ABCA13: variants seen among roughly 807,000 people sequenced by gnomAD.
ABCA13 encodes ATP binding cassette subfamily A member 13, also known as ATP-binding cassette sub-family A member 13.
In ABCA13, 476 loss-of-function variants were observed where a neutral mutation model predicts 478.7. That is an observed-to-expected ratio of 0.99 (90% confidence interval 0.92 to 1.07). ABCA13 has a LOEUF of 1.07. Among genes scored for constraint, ABCA13 ranks in the 50% least tolerant of loss-of-function variants. The pLI is 0.00. For missense variants in ABCA13, 6,060 were observed against 5,910.6 expected (o/e 1.03, Z -0.83); for synonymous variants, 2,252 against 2,158.9 (o/e 1.04, Z -1.20).
chr7:48,522,389 T>C (rs1198406120), intron 53 of ABCA13, among the ~76,000 whole-genome samples: 1 of 152,124 alleles, frequency 6.6e-6, no homozygotes, highest in Non-Finnish European at 1.5e-5. Context: ...AGGTTTCCAT[T>C]AGGACCTGAG....
chr7:48,435,165 CTT>C (rs1554512128), intron 42 of ABCA13, among the ~76,000 whole-genome samples: 1 of 151,600 alleles, frequency 6.6e-6, no homozygotes, highest in Non-Finnish European at 1.5e-5. Context: ...CTGTTTGTGT[CTT>C]TTTCATTTTC....
intron 23 of ABCA13, among the ~76,000 whole-genome samples, chr7:48,299,647 G>A (rs977662512): frequency 3.3e-5 from 5 of 150,450 alleles, no homozygotes; most frequent in Admixed American, 6.7e-5. Flanking sequence ...ACCTGGGAAT[G>A]TTTTAAGACC....
At chr7:48,518,126 A>G (rs960986218) in intron 52 of ABCA13, among the ~76,000 whole-genome samples, 4 of 152,194 alleles carry the variant, frequency 2.6e-5, no homozygotes, top group Admixed American at 2.0e-4. Flanking sequence ...ACTGATTTAT[A>G]TTAATATGTC....
At chr7:48,481,317 T>C (rs960019249) in intron 46 of ABCA13, among the ~76,000 whole-genome samples, 163 bp downstream of exon 46, 16 of 152,378 alleles carry the variant, frequency 1.1e-4, no homozygotes, top group African/African-American at 3.8e-4. Flanking sequence ...TCCATGTTTT[T>C]ACATTGAAAG....
chr7:48,425,132 C>T (rs1294136031), intron 41 of ABCA13, among the ~76,000 whole-genome samples: 1 of 152,148 alleles, frequency 6.6e-6, no homozygotes, highest in Non-Finnish European at 1.5e-5. Context: ...AAACTCTGTC[C>T]TTATTCTGTT....
At chr7:48,616,064 T>A (rs1792540237) in intron 59 of ABCA13, among the ~76,000 whole-genome samples, 1 of 127,994 alleles carries the variant, frequency 7.8e-6, no homozygotes, top group South Asian at 2.5e-4. Context: ...CTTTGATTTG[T>A]TTAACCTGTC....
At position 48,514,930 on chromosome 7, in the gene ABCA13, T is replaced by C. The variant is rs536644922; in HGVS notation, c.13641-1795T>C. ...CATTTTGAGGCAGATTGCTATTGAG[T>C]AGAGTGTCTAAAACACTATATGATT... is the stretch of plus-strand genomic sequence containing the variant. On this transcript the variant is annotated intron_variant, in intron 51 of 61. Transcript: ENST00000435803. Among the ~76,000 whole-genome samples, 5 of 147,366 alleles carry C rather than the reference T, an allele frequency of 3.4e-5. No individual in the cohort carries two copies. The South Asian group carries it at 8.3e-4, about 24-fold the overall frequency.
intron 55 of ABCA13, among the ~76,000 whole-genome samples, chr7:48,550,095 T>G (rs1250696639): frequency 6.6e-6 from 1 of 151,894 alleles, no homozygotes; most frequent in East Asian, 1.9e-4. Flanking sequence ...TTTTGAATTT[T>G]GTTGCCATTG....
At chr7:48,558,250 T>C (rs1786071758) in intron 55 of ABCA13, among the ~76,000 whole-genome samples, 1 of 148,750 alleles carries the variant, frequency 6.7e-6, no homozygotes, top group Non-Finnish European at 1.5e-5. Context: ...TTTTTTCTTT[T>C]TCTTTTTTTT....
At position 48,427,809 on chromosome 7, in the gene ABCA13, T is replaced by C; in HGVS notation, c.12503T>C (p.Ile4168Thr). ...CAAGATTCCAACAAGAAATCTCACA[T>C]TGCCCTGGGGACTGAGTCAGAGCTG... is the stretch of plus-strand genomic sequence containing the variant. ...LLQDSNKKSH[I>T]ALGTESELQN... The change falls in exon 42 of 62, where the codon ATT becomes ACT. Residue 4168 changes from isoleucine to threonine, a missense_variant. Physicochemically the swap from Ile to Thr is moderately conservative, Grantham distance 89. Transcript: ENST00000435803. The C allele has an allele frequency of 6.2e-7, 1 of 1,602,786 alleles. No individual in the cohort carries two copies. The highest frequency in any genetic ancestry group is 8.5e-7 in the Non-Finnish European group (1 of 1,173,690).
chr7:48,439,465 C>T (rs555849704), intron 42 of ABCA13, among the ~76,000 whole-genome samples: 2 of 152,220 alleles, frequency 1.3e-5, no homozygotes, highest in South Asian at 2.1e-4. Context: ...AGAAATTAAA[C>T]TTAGGCAAAA....
intron 35 of ABCA13, among the ~76,000 whole-genome samples, chr7:48,379,893 A>G (rs1244785485): frequency 6.6e-6 from 1 of 152,254 alleles, no homozygotes; most frequent in South Asian, 2.1e-4. Flanking sequence ...ATGACAAAAC[A>G]TAACAGAAGA....
At position 48,520,113 on chromosome 7, in the gene ABCA13, C is replaced by T. The variant is rs777798864; in HGVS notation, c.13870C>T (p.Leu4624=). The change falls in exon 53 of 62, where the codon CTG becomes TTG. Residue 4624 remains leucine, a synonymous_variant. Transcript: ENST00000435803. ...IFPQFCLGQG[L]VELCYNQIKY... ...TCCTCAATTCTGTCTTGGTCAAGGA[C>T]TGGTAGAACTCTGCTATAATCAGAT... is the stretch of plus-strand genomic sequence containing the variant. 2 of 1,613,554 alleles carry T rather than the reference C, an allele frequency of 1.2e-6. No individual in the cohort carries two copies. Among genetic ancestry groups the T allele is most frequent in the South Asian group, 2.2e-5 (2 of 91,068 alleles).
chr7:48,276,640 A>C, intron 17 of ABCA13, 75 bp downstream of exon 17: 1 of 1,238,662 alleles, frequency 8.1e-7, no homozygotes, highest in Non-Finnish European at 1.1e-6. Flanking sequence ...TGGAGTATAG[A>C]CATGTCAAAA....
intron 1 of ABCA13, among the ~76,000 whole-genome samples, chr7:48,178,084 T>C (rs1270336095): frequency 6.6e-6 from 1 of 152,224 alleles, no homozygotes; most frequent in Non-Finnish European, 1.5e-5. Flanking sequence ...TTGGTTGGTT[T>C]TTCCTAATTC....
At chr7:48,417,909 G>A (rs777770655) in intron 41 of ABCA13, among the ~76,000 whole-genome samples, 2 of 152,140 alleles carry the variant, frequency 1.3e-5, no homozygotes, top group Non-Finnish European at 2.9e-5. Context: ...TTTCCTGAAT[G>A]TTGCAGAGTT....
chr7:48,537,394 G>A (rs957629395), intron 55 of ABCA13, among the ~76,000 whole-genome samples: 1 of 152,112 alleles, frequency 6.6e-6, no homozygotes, highest in African/African-American at 2.4e-5. Context: ...CATTTTCAGT[G>A]CCACAAAGGA....
Position 48,274,576 on chromosome 7 carries a change from A to T in ABCA13, c.4910A>T (p.Asp1637Val), listed in dbSNP as rs774532940. 27 of 1,613,778 alleles carry T rather than the reference A, an allele frequency of 1.7e-5. No individual in the cohort carries two copies. The highest frequency in any genetic ancestry group is 8.3e-5 in the Admixed American group (5 of 59,996). ...GGTCTTGGTATTCAACTGATAAGGG[A>T]TGTGTTCAACTCCTTAATGCCTGTA... ...ATGLGIQLIRDVFNSLMPVVH... is the reference protein window; with the variant it reads ...ATGLGIQLIRVVFNSLMPVVH... The change falls in exon 17 of 62, where the codon GAT becomes GTT. Residue 1637 changes from aspartate (D) to valine (V), a missense_variant. Physicochemically the swap from Asp to Val is radical, Grantham distance 152. Coordinates refer to ENST00000435803, the MANE Select transcript of ABCA13 (RefSeq NM_152701.5).
intron 22 of ABCA13, among the ~76,000 whole-genome samples, chr7:48,298,005 C>T (rs569440838): frequency 8.0e-5 from 12 of 149,284 alleles, no homozygotes; most frequent in African/African-American, 2.2e-4. Context: ...AGGCTGGTCT[C>T]GAACTCCTGA....
Sources: gnomAD v4.1 joint callset for allele counts (sites outside exome capture counted in the v4.1 genomes callset) on GRCh38, gnomAD v4.1.1 for gene constraint, MANE v1.5 for transcripts, NCBI Gene and HGNC (gene_info 2026-07-23, HGNC 2026-07-21) for gene names.